KLK11: variants seen among roughly 807,000 people sequenced by gnomAD.
KLK11 encodes the protein kallikrein-11.
A neutral mutation model predicts 23.4 loss-of-function variants in KLK11; 10 were observed. The ratio of observed to expected loss-of-function variants is 0.43; its 90% confidence interval spans 0.26 to 0.73. KLK11 has a LOEUF of 0.73. Ranked by LOEUF, KLK11 falls within the 30% of genes least tolerant of loss-of-function variation. The pLI is 0.22. For missense variants in KLK11, 285 were observed against 327.8 expected (o/e 0.87, Z 1.01); for synonymous variants, 131 against 131.7 (o/e 0.99, Z 0.03).
rs118067668 is a variant in KLK11, at chr19:51,024,548, C to T, written c.197+90G>A. 0.029 allele frequency: 40,072 copies of T among 1,372,710 alleles called. 660 individuals carry two copies. The highest frequency in any genetic ancestry group is 0.034 in the Non-Finnish European group (35,067 of 1,037,058). 85.0% of individuals were successfully genotyped at this position (1,372,710 alleles called of 1,614,324 possible). ...ACTACCCATCCCCATCTCTAATCCC[C>T]TTACCAGCACCCCTATCCCTGAGCT... On this transcript the variant is annotated intron_variant, in intron 3 of 5. Transcript: ENST00000453757. This position sits in a 1 kb window ranked among gnomAD's most constrained non-coding sequence, Gnocchi z 6.2.
In KLK11 at chr19:51,025,958, G is replaced by A. The variant is rs546617553; in HGVS notation, c.-35-292C>T. ...GCTTTGAGCTGTCAAGCCATGGTTC[G>A]GCCCTGTTCAAGTCAGCCATGGGAC... On this transcript the variant is annotated intron_variant, in intron 1 of 5. Coordinates refer to ENST00000453757, the MANE Select transcript of KLK11 (RefSeq NM_001136032.3). The surrounding 1 kb of genome is among the most constrained non-coding windows in gnomAD (Gnocchi z 6.2). The A allele has an allele frequency of 1.8e-5, 5 of 285,616 alleles. No individual in the cohort carries two copies. The highest frequency in any genetic ancestry group is 6.1e-5 in the East Asian group (1 of 16,304). 17.7% of individuals were successfully genotyped at this position (285,616 alleles called of 1,614,324 possible).
At chr19:51,026,714 C>A (rs781642377), upstream of KLK11, 66 of 585,074 alleles carry the variant, frequency 1.1e-4, no homozygotes, top group Non-Finnish European at 1.4e-4. Flanking sequence ...CTTAATGCCC[C>A]GGGGCGGGGT....
rs2091475752 is a variant in KLK11 at position 51,025,732 on chromosome 19, C to T, written c.-35-66G>A. On this transcript the variant is annotated intron_variant, in intron 1 of 5. Transcript: ENST00000453757. This position sits in a 1 kb window ranked among gnomAD's most constrained non-coding sequence, Gnocchi z 6.2. Reference sequence around the variant, plus strand: ...GGAAATCGGGAGGGGGGGGCTGGCTCATGCCCTCTCCTCTCTCCCTCACCT... The same window carrying T: ...GGAAATCGGGAGGGGGGGGCTGGCTTATGCCCTCTCCTCTCTCCCTCACCT... The T allele has an allele frequency of 9.2e-6, 6 of 653,930 alleles. No individual in the cohort carries two copies. The highest frequency in any genetic ancestry group is 3.7e-5 in the African/African-American group (2 of 53,700). 40.5% of individuals were successfully genotyped at this position (653,930 alleles called of 1,614,324 possible).
intron 4 of KLK11, chr19:51,023,541 C>T (rs1425216106): frequency 3.0e-5 from 8 of 264,056 alleles, no homozygotes; most frequent in South Asian, 1.8e-4. Flanking sequence ...CACACAACCA[C>T]GCCCAACTAA....
chr19:51,025,720 G>C lies in KLK11; in HGVS notation c.-35-54C>G, dbSNP rs79328560. The stretch of plus-strand genomic sequence containing the variant: ...ATCACTTTACGGGGAAATCGGGAGG[G>C]GGGGGCTGGCTCATGCCCTCTCCTC... On this transcript the variant is annotated intron_variant, in intron 1 of 5. Transcript: ENST00000453757. This position sits in a 1 kb window ranked among gnomAD's most constrained non-coding sequence, Gnocchi z 6.2. The C allele has an allele frequency of 2.7e-4, 193 of 712,192 alleles. No homozygotes were observed. The highest frequency in any genetic ancestry group is 4.6e-4 in the Admixed American group (17 of 36,706). 44.1% of individuals were successfully genotyped at this position (712,192 alleles called of 1,614,324 possible). A position where few individuals can be genotyped will look rare whatever the true frequency, so the allele number is the denominator to read the frequency against.
In KLK11 at chr19:51,024,426, G is replaced by C. The variant is rs755017413; in HGVS notation, c.198-116C>G. On this transcript the variant is annotated intron_variant, in intron 3 of 5. Transcript: ENST00000453757. This position sits in a 1 kb window ranked among gnomAD's most constrained non-coding sequence, Gnocchi z 6.2. ...TCGCTCTGCTTCCAACCTCTTCCAC[G>C]TCTCCCACCGAAGCCCCCTTCCCAG... 5.4e-6 allele frequency: 8 copies of C among 1,476,296 alleles called. No individual in the cohort carries two copies. Among genetic ancestry groups the C allele is most frequent in the Non-Finnish European group, 6.4e-6 (7 of 1,100,444 alleles). The allele number at this position is 1,476,296 out of a possible 1,614,324, so 91.4% of individuals were successfully genotyped here.
chr19:51,027,229 G>C (rs571335607), upstream of KLK11: 293 of 543,316 alleles, frequency 5.4e-4, 1 homozygote, highest in Non-Finnish European at 8.7e-4. Flanking sequence ...AAGGAGAGGG[G>C]GGGTGTGCTG....
At position 51,024,775 on chromosome 19, in the gene KLK11, G is replaced by A; in HGVS notation, c.60C>T (p.Thr20=). ...ALATGLVGGE[T]RIIKGFECKP... ...TGCACTCGAACCCCTTGATGATCCT[G>A]GTCTCTCCCCCTACAAGCCCTGGAG... Residue 20 remains threonine (T), a synonymous_variant, in exon 3 of 6, where the codon ACC becomes ACT. Transcript: ENST00000453757. The surrounding 1 kb of genome is among the most constrained non-coding windows in gnomAD (Gnocchi z 6.2). 1 of 1,594,374 alleles carries A rather than the reference G, an allele frequency of 6.3e-7. No individual in the cohort carries two copies. The highest frequency in any genetic ancestry group is 8.5e-7 in the Non-Finnish European group (1 of 1,173,532).
intron 5 of KLK11, 122 bp from the exon 6 acceptor site, chr19:51,022,819 T>C (rs1270460210): frequency 4.3e-6 from 5 of 1,150,054 alleles, no homozygotes; most frequent in Non-Finnish European, 6.3e-6. Flanking sequence ...CTGGGAAAGG[T>C]GATAGGTTTA....
intron 1 of KLK11, 56 bp downstream of exon 1, chr19:51,026,482 G>A (rs2091487516): frequency 1.3e-6 from 1 of 796,928 alleles, no homozygotes; most frequent in African/African-American, 1.9e-5. Flanking sequence ...AGGTGTCCTT[G>A]GGGAGGGCTG....
At chr19:51,023,384 C>CTTT (rs780238378) in intron 4 of KLK11, 156 bp from the exon 5 acceptor site, 899 of 482,356 alleles carry the variant, frequency 1.9e-3, no homozygotes, top group Middle Eastern at 4.0e-3. Context: ...TGCTATCCAG[C>CTTT]TTTTTTTTTT....
chr19:51,023,362 T>C, intron 4 of KLK11, 134 bp from the exon 5 acceptor site: 1 of 983,828 alleles, frequency 1.0e-6, no homozygotes, highest in East Asian at 2.7e-5. Flanking sequence ...CTTGTAACAA[T>C]AGCAACAGCA....
In KLK11 at chr19:51,024,473, A is replaced by G. The variant is rs1180602270; in HGVS notation, c.198-163T>C. On this transcript the variant is annotated intron_variant, in intron 3 of 5. Coordinates refer to ENST00000453757, the MANE Select transcript of KLK11 (RefSeq NM_001136032.3). The surrounding 1 kb of genome is among the most constrained non-coding windows in gnomAD (Gnocchi z 6.2). ...CCAGCCATAGCCCCATCCCAACCCC[A>G]TTCATCCCCCCACCTTCAATACCAA... 31 of 887,798 alleles carry G rather than the reference A, an allele frequency of 3.5e-5. No homozygotes were observed. Among genetic ancestry groups the G allele is most frequent in the Non-Finnish European group, 4.4e-5 (30 of 675,978 alleles). The allele number at this position is 887,798 out of a possible 1,614,324, so 55.0% of individuals were successfully genotyped here.
chr19:51,026,384 G>A lies in KLK11; in HGVS notation c.-36+154C>T, dbSNP rs374161147. Among the ~76,000 whole-genome samples, 31 of 151,962 alleles carry A rather than the reference G, an allele frequency of 2.0e-4. No homozygotes were observed. The South Asian group carries it at 2.9e-3, about 14-fold the overall frequency. On this transcript the variant is annotated intron_variant, in intron 1 of 5. Transcript: ENST00000453757. ...GTAACTGAGGCTGCGGACAGCCATC[G>A]GAGGTGAGAGGTGTAGAGAGAGGCC...
At position 51,024,517 on chromosome 19, in the gene KLK11, G is replaced by A. The variant is rs2091451200; in HGVS notation, c.197+121C>T. On this transcript the variant is annotated intron_variant, in intron 3 of 5. Coordinates refer to ENST00000453757, the MANE Select transcript of KLK11 (RefSeq NM_001136032.3). This position sits in a 1 kb window ranked among gnomAD's most constrained non-coding sequence, Gnocchi z 6.2. The stretch of plus-strand genomic sequence containing the variant: ...ATACCAACTCGAGCCCATCAACCTT[G>A]CTGACACTACCCATCCCCATCTCTA... The A allele has an allele frequency of 8.1e-7, 1 of 1,230,824 alleles. No individual in the cohort carries two copies. Among genetic ancestry groups the A allele is most frequent in the Non-Finnish European group, 1.1e-6 (1 of 916,160 alleles). 76.2% of individuals were successfully genotyped at this position (1,230,824 alleles called of 1,614,324 possible).
chr19:51,022,958 G>A (rs554811906), intron 5 of KLK11, 134 bp downstream of exon 5: 7 of 1,059,004 alleles, frequency 6.6e-6, no homozygotes, highest in South Asian at 6.2e-5. Flanking sequence ...GGTCAGAAAC[G>A]GGAACAGGGG....
chr19:51,023,095 G>T lies in KLK11; in HGVS notation c.597C>A (p.Cys199Ter). ...TGTGGTTGGAGACCACACTGACCTGGCAGGAGTCCTTGCCCCCTTCCTGCA... is the reference window on the plus strand; with the variant it reads ...TGTGGTTGGAGACCACACTGACCTGTCAGGAGTCCTTGCCCCCTTCCTGCA... ...ASVQEGGKDSCQGDSGGPLVC... is the reference protein window; with the variant it reads ...ASVQEGGKDS Residue 199 changes from cysteine to a stop codon, truncating the protein, a stop_gained, in exon 5 of 6, where the codon TGC (cysteine) becomes TGA (stop). Transcript: ENST00000453757. LOFTEE classifies it low-confidence loss of function (END_TRUNC). The T allele has an allele frequency of 6.2e-7, 1 of 1,606,258 alleles. No homozygotes were observed. The highest frequency in any genetic ancestry group is 8.5e-7 in the Non-Finnish European group (1 of 1,176,424).
At chr19:51,027,274 G>GGGGCAGGACCGGAGGGTGGGGGAGGCA, upstream of KLK11, 1 of 622,122 alleles carries the variant, frequency 1.6e-6, no homozygotes, top group South Asian at 2.0e-5. Context: ...GCCAGGCACA[G>GGGGCAGGACCGGAGGGTGGGGGAGGCA]GGGCAGGACC....
At position 51,025,907 on chromosome 19, in the gene KLK11, G is replaced by A. The variant is rs1161777068; in HGVS notation, c.-35-241C>T. ...CAGCTAGAAGCTTCCGAGATACCAA[G>A]AACCATGTGGAAGTCGTTGGGAGGG... On this transcript the variant is annotated intron_variant, in intron 1 of 5. Transcript: ENST00000453757. This position sits in a 1 kb window ranked among gnomAD's most constrained non-coding sequence, Gnocchi z 6.2. 1.4e-5 allele frequency: 5 copies of A among 352,952 alleles called. No homozygotes were observed. The highest frequency in any genetic ancestry group is 4.5e-5 in the East Asian group (1 of 22,020). The allele number at this position is 352,952 out of a possible 1,614,324, so 21.9% of individuals were successfully genotyped here. A position where few individuals can be genotyped will look rare whatever the true frequency, so the allele number is the denominator to read the frequency against.
Sources: allele counts gnomAD v4.1 joint callset (sites outside exome capture counted in the v4.1 genomes callset), GRCh38; gene constraint gnomAD v4.1.1; non-coding constraint Gnocchi (gnomAD v3.1); transcripts MANE v1.5; gene names NCBI Gene and HGNC (gene_info 2026-07-23, HGNC 2026-07-21).